Variants in ATAD2B observed in about 807,000 individuals in gnomAD.
ATAD2B encodes the protein ATPase family AAA domain containing 2B.
A neutral mutation model predicts 167.6 loss-of-function variants in ATAD2B; 40 were observed. That is an observed-to-expected ratio of 0.24 (90% CI 0.19 to 0.31). The LOEUF (loss-of-function observed/expected upper bound fraction) is 0.31, where lower values mean the gene tolerates loss of function less well. ATAD2B is among the 10% of genes least tolerant of loss of function. ATAD2B has a pLI of 1.00. For synonymous variants in ATAD2B, 579 were observed against 596.5 expected, an observed-to-expected ratio of 0.97 and a Z score of 0.43; for missense variants, 1,242 against 1,757.2, an observed-to-expected ratio of 0.71 and a Z score of 5.24.
chr2:23,858,489 C>CTTTTT (rs34177847), intron 12 of ATAD2B, among the ~76,000 whole-genome samples: 20 of 134,410 alleles, frequency 1.5e-4, no homozygotes, highest in East Asian at 2.2e-4. Flanking sequence ...CTGTCTCATT[C>CTTTTT]TTTTTTTTTT....
intron 10 of ATAD2B, among the ~76,000 whole-genome samples, chr2:23,867,614 TC>T (rs1695332580): frequency 6.6e-6 from 1 of 152,216 alleles, no homozygotes; most frequent in South Asian, 2.1e-4. Flanking sequence ...CATAACCTTC[TC>T]AGCCTCATTT....
chr2:23,901,149 A>C (rs1203995915), intron 1 of ATAD2B: 1 of 162,440 alleles, frequency 6.2e-6, no homozygotes, highest in African/African-American at 2.4e-5. Context: ...TGGTTGCATA[A>C]GTTTGTCTAC....
intron 1 of ATAD2B, among the ~76,000 whole-genome samples, chr2:23,918,393 A>T (rs1703391009): frequency 6.6e-6 from 1 of 152,020 alleles, no homozygotes; most frequent in South Asian, 2.1e-4. Context: ...TATACTACAT[A>T]TATGCCTACT....
intron 1 of ATAD2B, among the ~76,000 whole-genome samples, chr2:23,924,375 G>A (rs909898838): frequency 5.9e-5 from 9 of 152,190 alleles, no homozygotes; most frequent in African/African-American, 9.7e-5. Context: ...GCTTATTACA[G>A]ACCCCACAGA....
intron 1 of ATAD2B, among the ~76,000 whole-genome samples, chr2:23,912,889 G>A (rs968236276): frequency 3.3e-5 from 5 of 152,122 alleles, no homozygotes; most frequent in Admixed American, 3.3e-4. Flanking sequence ...TCAGCTACTC[G>A]GGAGGCCGAG....
At chr2:23,742,204 G>T in the ATAD2B span, among the ~76,000 whole-genome samples, 1 of 152,284 alleles carries the variant, frequency 6.6e-6, no homozygotes. Context: ...CCATTACTGG[G>T]TATATACCCA....
At chr2:23,777,134 G>A (rs1397984042) in intron 22 of ATAD2B, among the ~76,000 whole-genome samples, 1 of 152,070 alleles carries the variant, frequency 6.6e-6, no homozygotes, top group Non-Finnish European at 1.5e-5. Flanking sequence ...ACAGAGAGAA[G>A]GAGGCCACCA....
chr2:23,878,975 A>G (rs903592790), intron 7 of ATAD2B, among the ~76,000 whole-genome samples: 1 of 152,204 alleles, frequency 6.6e-6, no homozygotes, highest in Non-Finnish European at 1.5e-5. Flanking sequence ...TATAATAAAT[A>G]CCTGTTAAAA....
intron 1 of ATAD2B, among the ~76,000 whole-genome samples, chr2:23,918,526 A>G (rs1304207035): frequency 2.6e-5 from 4 of 152,230 alleles, no homozygotes; most frequent in Non-Finnish European, 5.9e-5. Flanking sequence ...TCCTCTCCCT[A>G]CACACTGCCT....
chr2:23,703,580 C>T, the ATAD2B span: 3 of 1,194,518 alleles, frequency 2.5e-6, no homozygotes, highest in East Asian at 7.7e-5. Context: ...TCCCCTAGGC[C>T]CCGGACCCAT....
chr2:23,755,360 G>T (rs12467281), intron 25 of ATAD2B, among the ~76,000 whole-genome samples: 4,445 of 152,246 alleles, frequency 0.029, 101 homozygotes, highest in Non-Finnish European at 0.04. Flanking sequence ...CTACCTTAGA[G>T]TAAATTAGTG....
intron 16 of ATAD2B, among the ~76,000 whole-genome samples, chr2:23,822,102 G>GCCCT (rs2149645744): frequency 6.6e-6 from 1 of 152,328 alleles, no homozygotes; most frequent in South Asian, 2.1e-4. Context: ...ACTGCACACT[G>GCCCT]CAGAGTGTCC....
the ATAD2B span, chr2:23,690,009 GCCCCTT>G: frequency 1.2e-4 from 18 of 152,438 alleles, no homozygotes; most frequent in African/African-American, 4.1e-4. Flanking sequence ...GGAGGCAGAG[GCCCCTT>G]GGGGTCCTGG....
At chr2:23,704,040 G>A in the ATAD2B span, among the ~76,000 whole-genome samples, 2 of 152,174 alleles carry the variant, frequency 1.3e-5, no homozygotes, top group East Asian at 3.9e-4. Flanking sequence ...TGGAGCCCAC[G>A]GCAGCCTCTG....
At chr2:23,820,872 C>G (rs1238333789) in intron 16 of ATAD2B, among the ~76,000 whole-genome samples, 3 of 152,166 alleles carry the variant, frequency 2.0e-5, no homozygotes, top group African/African-American at 4.8e-5. Flanking sequence ...TGGTGTGAAC[C>G]CAGGAGGCGG....
chr2:23,924,045 T>C (rs976833920), intron 1 of ATAD2B, among the ~76,000 whole-genome samples: 13 of 151,804 alleles, frequency 8.6e-5, no homozygotes, highest in African/African-American at 2.9e-4. Flanking sequence ...TAGCCGGGCG[T>C]GGTGGCGGGC....
At chr2:23,754,051 A>G in intron 27 of ATAD2B, 128 bp downstream of exon 27, 5 of 762,136 alleles carry the variant, frequency 6.6e-6, no homozygotes, top group Non-Finnish European at 9.8e-6. Flanking sequence ...TTTGTCTTAA[A>G]TCTTCAAAAC....
At chr2:23,924,481 C>T (rs1704427828) in intron 1 of ATAD2B, among the ~76,000 whole-genome samples, 1 of 152,074 alleles carries the variant, frequency 6.6e-6, no homozygotes, top group Non-Finnish European at 1.5e-5. Context: ...ATACAACCTG[C>T]TTCATAAATA....
chr2:23,922,682 T>C (rs1333056382), intron 1 of ATAD2B, among the ~76,000 whole-genome samples: 1 of 140,620 alleles, frequency 7.1e-6, no homozygotes, highest in Non-Finnish European at 1.5e-5. Flanking sequence ...AGCCTGGGCA[T>C]CAGAGTAAGA....
Sources: gnomAD v4.1 joint callset for allele counts (sites outside exome capture counted in the v4.1 genomes callset) on GRCh38, gnomAD v4.1.1 for gene constraint, MANE v1.5 for transcripts, NCBI Gene and HGNC (gene_info 2026-07-23, HGNC 2026-07-21) for gene names.